Variants in MYO5A observed in about 807,000 individuals in gnomAD.
The protein encoded by MYO5A is unconventional myosin-Va.
MYO5A carries 98 observed loss-of-function variants against 249.7 expected under a neutral mutation model. The observed-to-expected ratio is 0.39, with a 90% CI of 0.33 to 0.46. The LOEUF (loss-of-function observed/expected upper bound fraction) is 0.46, where lower values mean the gene tolerates loss of function less well. Ranked by LOEUF, MYO5A falls within the 20% of genes least tolerant of loss-of-function variation. The probability of loss-of-function intolerance (pLI) is 0.98; values close to 1 mark genes in which losing one functional copy is unlikely to be tolerated. For missense variants in MYO5A, 1,696 were observed against 2,308.8 expected (o/e 0.73, Z 5.44); for synonymous variants, 778 against 810.6 (o/e 0.96, Z 0.68).
intron 1 of MYO5A, among the ~76,000 whole-genome samples, chr15:52,526,799 T>G (rs1385321223): frequency 1.3e-5 from 2 of 152,160 alleles, no homozygotes; most frequent in Non-Finnish European, 2.9e-5. Flanking sequence ...TTTCAATTTT[T>G]TCTCCCAAAT....
At chr15:52,522,401 C>T (rs1037195378) in intron 1 of MYO5A, among the ~76,000 whole-genome samples, 4 of 152,144 alleles carry the variant, frequency 2.6e-5, no homozygotes, top group Admixed American at 2.6e-4. Flanking sequence ...AAAGGACAAA[C>T]TCCCTAGGAA....
chr15:52,364,005 A>G (rs1424134581), intron 24 of MYO5A, among the ~76,000 whole-genome samples: 1 of 152,190 alleles, frequency 6.6e-6, no homozygotes, highest in Non-Finnish European at 1.5e-5. Context: ...TTGGGAGGCC[A>G]AGGTGGGTAG....
Position 52,379,604 on chromosome 15 carries a change from G to GGTAAGCGAAATCATTCTCACCA in MYO5A, c.2207_2208+20dup, listed in dbSNP as rs777575902. 6 of 1,603,710 alleles carry GGTAAGCGAAATCATTCTCACCA rather than the reference G, an allele frequency of 3.7e-6. No individual in the cohort carries two copies. The African/African-American group carries it at 6.7e-5, about 18-fold the overall frequency. ...CCACAAGGCCTTCTGCTCAGATGAC[G>GGTAAGCGAAATCATTCTCACCA]GTAAGCGAAATCATTCTCACCAGTA... On this transcript the variant is annotated intron_variant, in intron 18 of 41. Transcript: ENST00000399233.
In MYO5A at chr15:52,317,228, A is replaced by G. The variant is rs149988708; in HGVS notation, c.5235-6T>C. The stretch of plus-strand genomic sequence containing the variant: ...CCAGTTGACTGACATTGTACCTATG[A>G]AAAAAAAGAGATACAGAGAATGCAA... On this transcript the variant is annotated splice_polypyrimidine_tract_variant and splice_region_variant and intron_variant, in intron 39 of 41. Coordinates refer to ENST00000399233, the MANE Select transcript of MYO5A (RefSeq NM_001382347.1). 2.4e-5 allele frequency: 39 copies of G among 1,611,746 alleles called. 1 individual carries two copies. In the African/African-American group the frequency reaches 3.2e-4, roughly 13 times the overall value.
chr15:52,364,820 A>G, intron 23 of MYO5A, 118 bp from the exon 24 acceptor site: 1 of 1,139,680 alleles, frequency 8.8e-7, no homozygotes, highest in Non-Finnish European at 1.3e-6. Flanking sequence ...TATCACTGTG[A>G]TCCATGAAGA....
chr15:52,429,681 T>A (rs891970059), intron 2 of MYO5A, among the ~76,000 whole-genome samples: 10 of 137,568 alleles, frequency 7.3e-5, no homozygotes, highest in Admixed American at 1.6e-4. Context: ...AGAGCGAGAC[T>A]CCATCTCAAA....
chr15:52,401,435 C>A (rs887113129), intron 9 of MYO5A, among the ~76,000 whole-genome samples: 1 of 152,102 alleles, frequency 6.6e-6, no homozygotes, highest in African/African-American at 2.4e-5. Context: ...GATATTTTAA[C>A]GGGATATATA....
chr15:52,497,115 C>T (rs1460968806), intron 1 of MYO5A, among the ~76,000 whole-genome samples: 1 of 152,164 alleles, frequency 6.6e-6, no homozygotes, highest in Non-Finnish European at 1.5e-5. Flanking sequence ...GCATGCACCA[C>T]CATGCCCGGC....
At chr15:52,397,488 T>C (rs2042541850) in intron 9 of MYO5A, 22 bp from the exon 10 acceptor site, 1 of 1,612,068 alleles carries the variant, frequency 6.2e-7, no homozygotes, top group Non-Finnish European at 8.5e-7. Flanking sequence ...TAATGAGTTA[T>C]TTCCTATGAC....
At position 52,339,208 on chromosome 15, in the gene MYO5A, CTGTT is replaced by C. The variant is rs201088252; in HGVS notation, c.4239+984_4239+987del. ...TGGTTGAATAAATGACACTAGAAAA[CTGTT>C]TGTAATGTAAATTATCACAAATGGA... On this transcript the variant is annotated intron_variant, in intron 32 of 41. Coordinates refer to ENST00000399233, the MANE Select transcript of MYO5A (RefSeq NM_001382347.1). 4.3e-4 allele frequency among the ~76,000 whole-genome samples: 66 copies of C among 152,200 alleles called. 1 individual carries two copies. The East Asian group carries it at 7.1e-3, about 16-fold the overall frequency.
chr15:52,449,237 G>A (rs2075964353), intron 1 of MYO5A, among the ~76,000 whole-genome samples: 1 of 151,964 alleles, frequency 6.6e-6, no homozygotes, highest in Non-Finnish European at 1.5e-5. Context: ...CCAAAGTGCT[G>A]GGATTACAGG....
chr15:52,438,397 C>T (rs1328658159), intron 1 of MYO5A, among the ~76,000 whole-genome samples: 1 of 152,138 alleles, frequency 6.6e-6, no homozygotes, highest in Non-Finnish European at 1.5e-5. Flanking sequence ...CTGCAGAAGG[C>T]CCTCCTGGTG....
At chr15:52,334,440 C>A (rs1213624926) in intron 34 of MYO5A, among the ~76,000 whole-genome samples, 1 of 152,042 alleles carries the variant, frequency 6.6e-6, no homozygotes, top group Non-Finnish European at 1.5e-5. Flanking sequence ...TGCTAATAGA[C>A]ATTATAGCTC....
chr15:52,404,382 A>G (rs973839991), intron 9 of MYO5A, among the ~76,000 whole-genome samples: 8 of 152,238 alleles, frequency 5.3e-5, no homozygotes, highest in Non-Finnish European at 1.0e-4. Flanking sequence ...AAAGTACTAT[A>G]TCCAGAAAAC....
intron 8 of MYO5A, 30 bp from the exon 9 acceptor site, chr15:52,405,423 T>A: frequency 1.3e-6 from 2 of 1,492,604 alleles, no homozygotes; most frequent in South Asian, 1.1e-5. Context: ...GAACAAGTGA[T>A]TAATTTCAGA....
At position 52,389,358 on chromosome 15, in the gene MYO5A, A is replaced by G. The variant is rs200061860; in HGVS notation, c.1548T>C (p.Pro516=). The G allele has an allele frequency of 1.2e-6, 2 of 1,611,684 alleles. No individual in the cohort carries two copies. Among genetic ancestry groups the G allele is most frequent in the Non-Finnish European group, 1.7e-6 (2 of 1,178,370 alleles). ...GGGCCCAGGTGTCATCTGTGCCTTT[A>G]GGCATCTATATTCATGGAAAAAAGG... is the stretch of plus-strand genomic sequence containing the variant. The part of the protein sequence containing the change: ...LDLLDEECKM[P]KGTDDTWAQK... Residue 516 remains proline (P), a synonymous_variant, in exon 13 of 42, where the codon CCT becomes CCC. Transcript: ENST00000399233.
intron 1 of MYO5A, chr15:52,505,921 T>C (rs981132104): frequency 9.4e-5 from 139 of 1,482,248 alleles, no homozygotes; most frequent in Non-Finnish European, 1.2e-4. Context: ...AAAAAAATTT[T>C]TCAGACTCTT....
chr15:52,363,258 A>C (rs2040627382), intron 24 of MYO5A, among the ~76,000 whole-genome samples: 1 of 152,254 alleles, frequency 6.6e-6, no homozygotes, highest in South Asian at 2.1e-4. Context: ...TAAGAATTAC[A>C]GAATGTGAAG....
At chr15:52,367,858 T>C (rs1462309968) in intron 22 of MYO5A, among the ~76,000 whole-genome samples, 1 of 140,102 alleles carries the variant, frequency 7.1e-6, no homozygotes, top group Non-Finnish European at 1.5e-5. Flanking sequence ...TTTTATGTCA[T>C]GTATATTTTA....
Sources: gnomAD v4.1 joint callset for allele counts (sites outside exome capture counted in the v4.1 genomes callset) on GRCh38, gnomAD v4.1.1 for gene constraint, MANE v1.5 for transcripts, NCBI Gene and HGNC (gene_info 2026-07-23, HGNC 2026-07-21) for gene names.